TRPC5: variants seen among roughly 807,000 people sequenced by gnomAD.
The protein encoded by TRPC5 is short transient receptor potential channel 5.
In TRPC5, 9 loss-of-function variants were observed where a neutral mutation model predicts 56.5. The ratio of observed to expected loss-of-function variants is 0.16; its 90% CI spans 0.10 to 0.28. TRPC5 has a LOEUF of 0.28. Ranked by LOEUF, TRPC5 falls within the 10% of genes least tolerant of loss-of-function variation. TRPC5 has a pLI of 1.00. For missense variants in TRPC5, 469 were observed against 748.9 expected (o/e 0.63, Z 4.36); for synonymous variants, 282 against 278.5 (o/e 1.01, Z -0.13).
intron 3 of TRPC5, among the ~76,000 whole-genome samples, chrX:111,863,038 A>G (rs900992806): frequency 8.9e-6 from 1 of 112,194 alleles, no homozygotes; most frequent in African/African-American, 3.2e-5. Flanking sequence ...ATTTAGTTAT[A>G]GATCTAATTG....
intron 3 of TRPC5, among the ~76,000 whole-genome samples, chrX:111,885,557 T>TTA (rs1569527361): frequency 1.9e-5 from 2 of 106,190 alleles, no homozygotes; most frequent in African/African-American, 6.8e-5. Flanking sequence ...TTTTTTTTTT[T>TTA]AAAAAAAGAA....
intron 7 of TRPC5, among the ~76,000 whole-genome samples, chrX:111,811,739 G>T (rs1921716705): frequency 9.0e-6 from 1 of 111,108 alleles, no homozygotes; most frequent in Admixed American, 9.6e-5. Context: ...CAAGCAGAAT[G>T]GTTGTAGAAG....
intron 1 of TRPC5, among the ~76,000 whole-genome samples, chrX:111,964,987 A>G (rs1212059340): frequency 1.8e-5 from 2 of 112,117 alleles, no homozygotes; most frequent in Non-Finnish European, 3.8e-5. Context: ...TTAACTTTAA[A>G]TGTAAATGGG....
intron 1 of TRPC5, among the ~76,000 whole-genome samples, chrX:112,011,920 G>A (rs892007167): frequency 1.4e-4 from 16 of 111,561 alleles, no homozygotes; most frequent in Non-Finnish European, 2.6e-4. Flanking sequence ...GTATGACAAA[G>A]CTTATAAATT....
chrX:111,942,097 C>T (rs113990578), intron 2 of TRPC5, among the ~76,000 whole-genome samples: 2,910 of 111,923 alleles, frequency 0.026, 107 homozygotes, highest in African/African-American at 0.089. Flanking sequence ...ACAGGGAATT[C>T]ACCAGTCCCT....
intron 1 of TRPC5, among the ~76,000 whole-genome samples, chrX:111,985,197 T>C (rs1003839558): frequency 8.9e-6 from 1 of 112,385 alleles, no homozygotes; most frequent in Non-Finnish European, 1.9e-5. Context: ...GCTCACACTC[T>C]ATAGGTCTGG....
chrX:111,848,450 A>G (rs994892476), intron 5 of TRPC5, among the ~76,000 whole-genome samples: 8 of 112,578 alleles, frequency 7.1e-5, no homozygotes, highest in African/African-American at 2.6e-4. Flanking sequence ...GATGTTATGG[A>G]AATACAAGGA....
chrX:112,017,260 G>A (rs1569529619), intron 1 of TRPC5, among the ~76,000 whole-genome samples: 1 of 111,101 alleles, frequency 9.0e-6, no homozygotes, highest in Non-Finnish European at 1.9e-5. Flanking sequence ...TGATCCGCCC[G>A]CCTTGGCCTT....
At chrX:112,035,072 T>C (rs746947195) in intron 1 of TRPC5, among the ~76,000 whole-genome samples, 88 of 99,864 alleles carry the variant, frequency 8.8e-4, no homozygotes, top group African/African-American at 3.4e-3. Context: ...TGATTTGAAG[T>C]TTTCCTTTTT....
intron 7 of TRPC5, among the ~76,000 whole-genome samples, chrX:111,826,738 C>T (rs1403548784): frequency 8.9e-6 from 1 of 112,130 alleles, no homozygotes; most frequent in Non-Finnish European, 1.9e-5. Context: ...ATGTTTTGTT[C>T]TGTTTTCTTA....
chrX:111,826,490 G>A (rs1450968167), intron 7 of TRPC5, among the ~76,000 whole-genome samples: 1 of 112,241 alleles, frequency 8.9e-6, no homozygotes, highest in African/African-American at 3.2e-5. Context: ...TCCAGACAAT[G>A]GTTTGGCAAC....
intron 1 of TRPC5, among the ~76,000 whole-genome samples, chrX:112,041,807 T>C (rs755029658): frequency 8.9e-6 from 1 of 112,143 alleles, no homozygotes; most frequent in Non-Finnish European, 1.9e-5. Context: ...CAGAAATCTC[T>C]GATCTATTTT....
chrX:111,932,837 C>T lies in TRPC5; in HGVS notation c.378+19206G>A, dbSNP rs142672991. On this transcript the variant is annotated intron_variant, in intron 2 of 10. Transcript: ENST00000262839. The stretch of plus-strand genomic sequence containing the variant: ...ATCTGCTGAGTGAAATATCCAGGGC[C>T]TTCCTCCATGAGGCTAATCTCATGA... 2.1e-3 allele frequency among the ~76,000 whole-genome samples: 232 copies of T among 111,879 alleles called. 1 individual carries two copies. The highest frequency in any genetic ancestry group is 7.3e-3 in the African/African-American group (226 of 30,796).
intron 1 of TRPC5, among the ~76,000 whole-genome samples, chrX:111,955,868 T>A (rs920628417): frequency 3.6e-5 from 4 of 112,543 alleles, no homozygotes; most frequent in Non-Finnish European, 7.5e-5. Context: ...TAACCAAAGC[T>A]AAGCCTCTAG....
At chrX:111,793,782 G>A (rs907144045) in intron 7 of TRPC5, among the ~76,000 whole-genome samples, 12 of 112,066 alleles carry the variant, frequency 1.1e-4, no homozygotes, top group African/African-American at 3.6e-4. Flanking sequence ...TATAATGACT[G>A]AAGAATGAAA....
chrX:112,028,780 G>C (rs895231106), intron 1 of TRPC5, among the ~76,000 whole-genome samples: 14 of 111,444 alleles, frequency 1.3e-4, no homozygotes, highest in African/African-American at 4.6e-4. Context: ...TAATCCTTTG[G>C]GTATATACCC....
chrX:111,938,163 A>G (rs1926654922), intron 2 of TRPC5, among the ~76,000 whole-genome samples: 1 of 95,965 alleles, frequency 1.0e-5, no homozygotes, highest in Admixed American at 1.1e-4. Context: ...TTATTGGTGT[A>G]TAAGAATGCT....
At chrX:111,927,970 C>T (rs1023194963) in intron 2 of TRPC5, among the ~76,000 whole-genome samples, 1 of 110,381 alleles carries the variant, frequency 9.1e-6, no homozygotes, top group Non-Finnish European at 1.9e-5. Flanking sequence ...AACAACCATG[C>T]ACCCAGGAGC....
At position 111,770,917 on chromosome X, in the gene TRPC5, A is replaced by G; in HGVS notation, c.*5396T>C. 8.9e-6 allele frequency among the ~76,000 whole-genome samples: 1 copy of G among 112,391 alleles called. No individual in the cohort carries two copies. The highest frequency in any genetic ancestry group is 1.9e-5 in the Non-Finnish European group (1 of 53,296). On this transcript the variant is annotated 3_prime_UTR_variant, in exon 11 of 11. Transcript: ENST00000262839. ...ACTGCCACATATTCATTCAAGTGCC[A>G]CTAAGGACAGTGCCTTTTGTGTGTA... is the stretch of plus-strand genomic sequence containing the variant.
Sources: gnomAD v4.1 joint callset for allele counts (sites outside exome capture counted in the v4.1 genomes callset) on GRCh38, gnomAD v4.1.1 for gene constraint, MANE v1.5 for transcripts, NCBI Gene and HGNC (gene_info 2026-07-23, HGNC 2026-07-21) for gene names.